CCDC7: variants seen among roughly 807,000 people sequenced by gnomAD.
CCDC7 encodes coiled-coil domain-containing protein 7.
In CCDC7, 183 loss-of-function variants were observed where a neutral mutation model predicts 196.9. That is an observed-to-expected ratio of 0.93 (90% CI 0.82 to 1.05). The LOEUF is 1.05. Among genes scored for constraint, CCDC7 ranks in the 50% least tolerant of loss-of-function variants. CCDC7 has a pLI of 0.00. For synonymous variants in CCDC7, 525 were observed against 484.6 expected (o/e 1.08, Z -1.10); for missense variants, 1,540 against 1,482.2 (o/e 1.04, Z -0.64).
At chr10:32,687,400 C>T (rs1446982933) in intron 22 of CCDC7, among the ~76,000 whole-genome samples, 1 of 152,102 alleles carries the variant, frequency 6.6e-6, no homozygotes, top group Non-Finnish European at 1.5e-5. Context: ...GGGCTTGAGG[C>T]TGATGTGATT....
intron 8 of CCDC7, among the ~76,000 whole-genome samples, chr10:32,481,041 G>A (rs1185042035): frequency 1.3e-5 from 2 of 152,078 alleles, no homozygotes; most frequent in Non-Finnish European, 2.9e-5. Flanking sequence ...TGTTGGGTGT[G>A]TATATATTTG....
intron 21 of CCDC7, among the ~76,000 whole-genome samples, chr10:32,673,714 A>G (rs1208639882): frequency 6.7e-6 from 1 of 149,068 alleles, no homozygotes; most frequent in Non-Finnish European, 1.5e-5. Flanking sequence ...ACATTAAAAA[A>G]TCAATAACAA....
At chr10:32,545,096 C>T (rs1354608825) in intron 13 of CCDC7, among the ~76,000 whole-genome samples, 2 of 152,122 alleles carry the variant, frequency 1.3e-5, no homozygotes, top group African/African-American at 4.8e-5. Context: ...CGTTATTTCT[C>T]TTGTCTAGAA....
intron 24 of CCDC7, among the ~76,000 whole-genome samples, chr10:32,708,594 G>A (rs1301367658): frequency 2.6e-5 from 4 of 152,124 alleles, no homozygotes; most frequent in Non-Finnish European, 5.9e-5. Context: ...CTAATGTCCA[G>A]AATCTATAAG....
chr10:32,735,410 G>T (rs2084698284), intron 28 of CCDC7, among the ~76,000 whole-genome samples: 1 of 152,166 alleles, frequency 6.6e-6, no homozygotes, highest in Non-Finnish European at 1.5e-5. Flanking sequence ...GTAGTGGCAT[G>T]TAGTGGCATC....
At chr10:32,469,230 T>C (rs2037451537) in intron 5 of CCDC7, among the ~76,000 whole-genome samples, 1 of 150,814 alleles carries the variant, frequency 6.6e-6, no homozygotes, top group Non-Finnish European at 1.5e-5. Context: ...TAAAGAATTA[T>C]TGTAACAGAG....
intron 9 of CCDC7, among the ~76,000 whole-genome samples, chr10:32,494,274 AAG>A (rs1245397700): frequency 6.6e-6 from 1 of 152,126 alleles, no homozygotes; most frequent in Admixed American, 6.6e-5. Flanking sequence ...CAATTTATTG[AAG>A]AGACATTCTT....
intron 29 of CCDC7, among the ~76,000 whole-genome samples, chr10:32,794,052 C>T (rs1245930308): frequency 6.6e-6 from 1 of 152,102 alleles, no homozygotes; most frequent in Non-Finnish European, 1.5e-5. Context: ...TATGAAAGAT[C>T]TCATCACCAA....
chr10:32,737,043 T>C (rs1412975175), intron 28 of CCDC7, among the ~76,000 whole-genome samples: 1 of 152,164 alleles, frequency 6.6e-6, no homozygotes, highest in Non-Finnish European at 1.5e-5. Flanking sequence ...CTATTCTTAG[T>C]TTGCTGATAG....
intron 28 of CCDC7, among the ~76,000 whole-genome samples, chr10:32,754,073 G>A (rs895527998): frequency 1.3e-5 from 2 of 151,924 alleles, no homozygotes; most frequent in Non-Finnish European, 2.9e-5. Context: ...AAGTATTGTT[G>A]TAAAATGTAT....
intron 9 of CCDC7, chr10:32,513,312 GT>G (rs1219197560): frequency 1.3e-5 from 2 of 152,010 alleles, no homozygotes; most frequent in East Asian, 3.8e-4. Flanking sequence ...ACAAGAACAT[GT>G]GACTGAACTT....
intron 28 of CCDC7, among the ~76,000 whole-genome samples, chr10:32,759,597 G>A (rs1312893484): frequency 6.6e-6 from 1 of 152,154 alleles, no homozygotes; most frequent in African/African-American, 2.4e-5. Flanking sequence ...ATTAATTCAA[G>A]ATGGATTAAA....
chr10:32,836,401 C>G (rs2092602673), intron 33 of CCDC7, among the ~76,000 whole-genome samples: 1 of 151,952 alleles, frequency 6.6e-6, no homozygotes. Context: ...CCAAAATATC[C>G]AAAATATCCA....
chr10:32,583,663 A>G (rs1331211298), intron 17 of CCDC7, among the ~76,000 whole-genome samples: 2 of 152,230 alleles, frequency 1.3e-5, no homozygotes, highest in South Asian at 2.1e-4. Context: ...GTAAAAGCAA[A>G]CTAATTTTGA....
In CCDC7 at chr10:32,824,617, A is replaced by G; in HGVS notation, c.3268+13A>G. On this transcript the variant is annotated intron_variant, in intron 32 of 41. Coordinates refer to ENST00000639629, the Ensembl canonical transcript of CCDC7. ...AAGAGTTACCCTGGTAAGAATAAGA[A>G]TTTTTAAAATCTACTTATGGTTTCC... 1 of 1,571,368 alleles carries G rather than the reference A, an allele frequency of 6.4e-7. No individual in the cohort carries two copies. Among genetic ancestry groups the G allele is most frequent in the Non-Finnish European group, 8.7e-7 (1 of 1,145,362 alleles).
chr10:32,641,974 G>T (rs1030372882), intron 20 of CCDC7, among the ~76,000 whole-genome samples: 13 of 152,170 alleles, frequency 8.5e-5, no homozygotes, highest in African/African-American at 3.1e-4. Flanking sequence ...GCTGGTATTG[G>T]TGAACAGCAA....
At chr10:32,641,684 G>A (rs909238745) in intron 20 of CCDC7, among the ~76,000 whole-genome samples, 13 of 152,168 alleles carry the variant, frequency 8.5e-5, no homozygotes, top group Non-Finnish European at 1.5e-4. Flanking sequence ...GCTTTGTTCC[G>A]TTGCTGGTGA....
At chr10:32,720,542 T>C (rs766443145) in intron 25 of CCDC7, among the ~76,000 whole-genome samples, 2 of 152,124 alleles carry the variant, frequency 1.3e-5, no homozygotes, top group Non-Finnish European at 2.9e-5. Flanking sequence ...CTGCATGTTC[T>C]GCACATGTAT....
chr10:32,865,400 TATACAC>T (rs2094165570), intron 41 of CCDC7, among the ~76,000 whole-genome samples: 1 of 62,244 alleles, frequency 1.6e-5, no homozygotes, highest in Non-Finnish European at 3.3e-5. Flanking sequence ...GTACTCCTAT[TATACAC>T]ACACACACAC....
Sources: allele counts gnomAD v4.1 joint callset (sites outside exome capture counted in the v4.1 genomes callset), GRCh38; gene constraint gnomAD v4.1.1; transcripts MANE v1.5; gene names NCBI Gene and HGNC (gene_info 2026-07-23, HGNC 2026-07-21).